The following COL5A2 variants were observed in gnomAD, a reference collection of about 807,000 sequenced individuals.
COL5A2 encodes the protein collagen alpha-2(V) chain.
In COL5A2, 23 loss-of-function variants were observed where a neutral mutation model predicts 208.2. The ratio of observed to expected loss-of-function variants is 0.11; its 90% CI spans 0.08 to 0.16. The LOEUF is 0.16. Among genes scored for constraint, COL5A2 ranks in the 10% least tolerant of loss-of-function variants. COL5A2 has a pLI of 1.00. For missense variants in COL5A2, 1,590 were observed against 1,956.4 expected (o/e 0.81, Z 3.53); for synonymous variants, 625 against 628.5 (o/e 0.99, Z 0.08).
At chr2:189,198,010 C>G (rs968369505) in intron 1 of COL5A2, among the ~76,000 whole-genome samples, 1 of 151,960 alleles carries the variant, frequency 6.6e-6, no homozygotes, top group Non-Finnish European at 1.5e-5. Flanking sequence ...CCACCACACC[C>G]AGCTAATTTT....
chr2:189,209,874 G>A (rs1044511742), intron 1 of COL5A2, among the ~76,000 whole-genome samples: 2 of 152,166 alleles, frequency 1.3e-5, no homozygotes, highest in East Asian at 1.9e-4. Flanking sequence ...GATGTCAGCT[G>A]AAAGTTAAAT....
intron 35 of COL5A2, among the ~76,000 whole-genome samples, chr2:189,055,046 C>G (rs913271255): frequency 6.6e-6 from 1 of 151,988 alleles, no homozygotes; most frequent in East Asian, 1.9e-4. Flanking sequence ...ACCACCACAC[C>G]CGGCTAATTT....
the COL5A2 span, among the ~76,000 whole-genome samples, chr2:189,282,399 G>A: frequency 6.6e-6 from 1 of 152,062 alleles, no homozygotes; most frequent in Non-Finnish European, 1.5e-5. Context: ...GTAAAATGCT[G>A]CTAAACATTT....
chr2:189,057,953 A>G (rs1490196959), intron 33 of COL5A2, among the ~76,000 whole-genome samples: 1 of 152,148 alleles, frequency 6.6e-6, no homozygotes, highest in Non-Finnish European at 1.5e-5. Flanking sequence ...ATTTTCTACC[A>G]ATCACTAAAT....
At chr2:189,143,136 C>G (rs1687967901) in intron 1 of COL5A2, among the ~76,000 whole-genome samples, 1 of 152,120 alleles carries the variant, frequency 6.6e-6, no homozygotes, top group Non-Finnish European at 1.5e-5. Flanking sequence ...TTATCTATAT[C>G]ACTGTTTGGA....
chr2:189,418,070 AAG>A, the COL5A2 span, among the ~76,000 whole-genome samples: 6 of 152,170 alleles, frequency 3.9e-5, no homozygotes, highest in Admixed American at 3.9e-4. Context: ...GTACAAAAGG[AAG>A]AGTTATCTTA....
chr2:189,270,634 T>C, the COL5A2 span, among the ~76,000 whole-genome samples: 1 of 151,948 alleles, frequency 6.6e-6, no homozygotes, highest in Admixed American at 6.6e-5. Flanking sequence ...CTGAAGAGTG[T>C]TTTACTTCCA....
the COL5A2 span, among the ~76,000 whole-genome samples, chr2:189,260,158 A>C: frequency 6.6e-6 from 1 of 152,230 alleles, no homozygotes; most frequent in Admixed American, 6.5e-5. Flanking sequence ...TTTCAAAAAA[A>C]CTGCTATAAG....
intron 2 of COL5A2, among the ~76,000 whole-genome samples, chr2:189,106,466 C>G (rs926869224): frequency 2.4e-4 from 37 of 151,194 alleles, no homozygotes; most frequent in African/African-American, 8.0e-4. Flanking sequence ...TCATGTCTTA[C>G]TAAATTCTTT....
At chr2:189,314,101 A>G in the COL5A2 span, among the ~76,000 whole-genome samples, 12 of 152,304 alleles carry the variant, frequency 7.9e-5, no homozygotes, top group Admixed American at 4.6e-4. Context: ...GACCTAATAG[A>G]TATCTATAGA....
chr2:189,042,599 A>G (rs1374424464), intron 49 of COL5A2, 121 bp downstream of exon 49: 10 of 886,744 alleles, frequency 1.1e-5, no homozygotes, highest in East Asian at 2.6e-5. Flanking sequence ...TGTGTTGCCA[A>G]CCTCAGAGAA....
Position 189,052,229 on chromosome 2 carries a change from G to A in COL5A2, c.2716-4C>T, listed in dbSNP as rs111644889. The A allele has an allele frequency of 7.9e-4, 1,272 of 1,613,548 alleles. 7 individuals carry two copies. The African/African-American group carries it at 0.015, about 18-fold the overall frequency. ...AACCAGGAAATCCTGTAGCACCCTA[G>A]AACCAGAATATCATATAAGCAATTT... On this transcript the variant is annotated splice_region_variant and splice_polypyrimidine_tract_variant and intron_variant, in intron 40 of 53. Coordinates refer to ENST00000374866, the MANE Select transcript of COL5A2 (RefSeq NM_000393.5).
chr2:189,431,817 C>T, the COL5A2 span, among the ~76,000 whole-genome samples: 2,959 of 152,152 alleles, frequency 0.019, 96 homozygotes, highest in African/African-American at 0.068. Context: ...GCAAGGCAGG[C>T]CAACATTCAA....
the COL5A2 span, among the ~76,000 whole-genome samples, chr2:189,281,348 A>G: frequency 2.0e-5 from 3 of 152,304 alleles, no homozygotes; most frequent in African/African-American, 4.8e-5. Flanking sequence ...GCATCAAACC[A>G]CTGACCCAAA....
At chr2:189,395,910 A>T in the COL5A2 span, among the ~76,000 whole-genome samples, 4 of 149,586 alleles carry the variant, frequency 2.7e-5, no homozygotes, top group African/African-American at 9.8e-5. Context: ...AAAAAAAAAA[A>T]AAAAAAAAAA....
the COL5A2 span, among the ~76,000 whole-genome samples, chr2:189,293,966 T>C: frequency 6.6e-6 from 1 of 151,984 alleles, no homozygotes; most frequent in East Asian, 1.9e-4. Flanking sequence ...CGGGCGCCTG[T>C]AGTCCCAGCT....
chr2:189,167,042 C>T (rs766806395), intron 1 of COL5A2, among the ~76,000 whole-genome samples: 2 of 152,146 alleles, frequency 1.3e-5, no homozygotes, highest in African/African-American at 2.4e-5. Context: ...GATGGCCTCC[C>T]AATCCTGAAA....
At chr2:189,221,825 T>C (rs1252855906) in intron 1 of COL5A2, among the ~76,000 whole-genome samples, 2 of 152,154 alleles carry the variant, frequency 1.3e-5, no homozygotes, top group Non-Finnish European at 2.9e-5. Context: ...AATGGCAATG[T>C]TATAAAAGTT....
intron 1 of COL5A2, among the ~76,000 whole-genome samples, chr2:189,115,832 T>C (rs1271021814): frequency 4.6e-5 from 7 of 152,202 alleles, no homozygotes; most frequent in Non-Finnish European, 1.0e-4. Flanking sequence ...ATATGCCTAT[T>C]AAAAAGATAA....
Sources: gnomAD v4.1 joint callset for allele counts (sites outside exome capture counted in the v4.1 genomes callset) on GRCh38, gnomAD v4.1.1 for gene constraint, MANE v1.5 for transcripts, NCBI Gene and HGNC (gene_info 2026-07-23, HGNC 2026-07-21) for gene names.